The following GLDC variants were observed in gnomAD, a reference collection of about 807,000 sequenced individuals.
The protein encoded by GLDC is glycine decarboxylase, also known as glycine dehydrogenase (decarboxylating), mitochondrial.
Under a neutral mutation model 121.3 loss-of-function variants are expected in GLDC, and 104 were observed. The observed-to-expected ratio is 0.86, with a 90% confidence interval of 0.73 to 1.01. The LOEUF is 1.01. Ranked by LOEUF, GLDC falls within the 50% of genes least tolerant of loss-of-function variation. The pLI is 0.00. For synonymous variants in GLDC, 546 were observed against 480.6 expected (o/e 1.14, Z -1.78); for missense variants, 1,429 against 1,306.6 (o/e 1.09, Z -1.44).
chr9:6,583,181 A>G (rs531090852), intron 15 of GLDC, among the ~76,000 whole-genome samples: 57 of 152,124 alleles, frequency 3.7e-4, no homozygotes, highest in Non-Finnish European at 7.8e-4. Flanking sequence ...TTAAACATAA[A>G]ATTACCCTAT....
chr9:6,625,507 G>A (rs1819216718), intron 2 of GLDC, among the ~76,000 whole-genome samples: 1 of 152,170 alleles, frequency 6.6e-6, no homozygotes, highest in Non-Finnish European at 1.5e-5. Context: ...AAACCGCTAA[G>A]GTAATTCTTC....
intron 15 of GLDC, among the ~76,000 whole-genome samples, chr9:6,572,077 A>G (rs1055464858): frequency 3.9e-5 from 6 of 152,238 alleles, no homozygotes; most frequent in African/African-American, 1.4e-4. Flanking sequence ...ACATAAAACT[A>G]TGAAATTTCT....
intron 6 of GLDC, 114 bp downstream of exon 6, chr9:6,605,017 C>T (rs1818700918): frequency 9.0e-7 from 1 of 1,111,216 alleles, no homozygotes; most frequent in South Asian, 1.3e-5. Flanking sequence ...TTTACCATTC[C>T]ATGTGATAAT....
intron 15 of GLDC, chr9:6,567,443 T>A (rs1321440618): frequency 6.6e-6 from 1 of 152,186 alleles, no homozygotes; most frequent in East Asian, 1.9e-4. Context: ...ACAGTACCCA[T>A]CACACAGGGC....
intron 3 of GLDC, among the ~76,000 whole-genome samples, chr9:6,618,459 C>T (rs1020159301): frequency 1.3e-5 from 2 of 152,084 alleles, no homozygotes; most frequent in Admixed American, 6.6e-5. Context: ...AGGCATGCAC[C>T]ACCACGCCCA....
At chr9:6,541,213 G>C (rs1817251083) in intron 21 of GLDC, 1 of 152,170 alleles carries the variant, frequency 6.6e-6, no homozygotes, top group Non-Finnish European at 1.5e-5. Context: ...CCCAGAATGA[G>C]CTACTGACCA....
At position 6,565,362 on chromosome 9, in the gene GLDC, G is replaced by A; in HGVS notation, c.1918C>T (p.His640Tyr). The A allele has an allele frequency of 6.2e-7, 1 of 1,611,696 alleles. No homozygotes were observed. Among genetic ancestry groups the A allele is most frequent in the Non-Finnish European group, 8.5e-7 (1 of 1,177,750 alleles). Reference sequence around the variant, plus strand: ...CCTCCTGCCATACTCACCGTTCTGTGCCCCTCTCCTTTCTGGTTTAAGTAG... The same window carrying A: ...CCTCCTGCCATACTCACCGTTCTGTACCCCTCTCCTTTCTGGTTTAAGTAG... ...RAYLNQKGEG[H>Y]RTVCLIPKSA... Residue 640 changes from histidine to tyrosine, a missense_variant, in exon 16 of 25, where the codon CAC (histidine) becomes TAC (tyrosine). Coordinates refer to ENST00000321612, the MANE Select transcript of GLDC (RefSeq NM_000170.3).
intron 20 of GLDC, among the ~76,000 whole-genome samples, chr9:6,551,657 G>A (rs1817517795): frequency 6.6e-6 from 1 of 152,168 alleles, no homozygotes; most frequent in Non-Finnish European, 1.5e-5. Context: ...TCAAAGAAGG[G>A]TTCCTAGATT....
chr9:6,612,664 C>T (rs1395499709), intron 3 of GLDC, among the ~76,000 whole-genome samples: 5 of 152,218 alleles, frequency 3.3e-5, no homozygotes, highest in South Asian at 2.1e-4. Context: ...GAGTTCGAGA[C>T]GAGCCTGGCC....
intron 24 of GLDC, chr9:6,534,182 C>CA (rs1225665276): frequency 0.032 from 1,760 of 55,318 alleles, 21 homozygotes; most frequent in East Asian, 0.1. Context: ...GACTCCGTCT[C>CA]AAAAAAAAAA....
chr9:6,568,515 C>T (rs1269224101), intron 15 of GLDC, among the ~76,000 whole-genome samples: 1 of 152,126 alleles, frequency 6.6e-6, no homozygotes, highest in Non-Finnish European at 1.5e-5. Flanking sequence ...TCAGAAACAC[C>T]AAGTTTATGT....
Position 6,542,726 on chromosome 9 carries a change from A to G in GLDC, c.2570-2580T>C, listed in dbSNP as rs545107286. 2.0e-5 allele frequency among the ~76,000 whole-genome samples: 3 copies of G among 150,212 alleles called. No individual in the cohort carries two copies. In the South Asian group the frequency reaches 6.4e-4, roughly 32 times the overall value. ...CATAGTGAGAGCTTGTTTCTACAAA[A>G]AAACAAAAAATTAGCTAGGTGCAGT... On this transcript the variant is annotated intron_variant, in intron 21 of 24. Transcript: ENST00000321612.
intron 2 of GLDC, among the ~76,000 whole-genome samples, chr9:6,627,466 A>G (rs530984660): frequency 6.6e-6 from 1 of 152,076 alleles, no homozygotes; most frequent in Non-Finnish European, 1.5e-5. Flanking sequence ...GCACCTGTGG[A>G]CTCTGCCCCT....
rs773430894 is a variant in GLDC at position 6,536,156 on chromosome 9, G to T, written c.2746C>A (p.Leu916Met). 1 of 1,614,052 alleles carries T rather than the reference G, an allele frequency of 6.2e-7. No individual in the cohort carries two copies. The highest frequency in any genetic ancestry group is 8.5e-7 in the Non-Finnish European group (1 of 1,179,928). The change falls in exon 23 of 25, where the codon CTG becomes ATG. Residue 916 changes from leucine (L) to methionine (M), a missense_variant. Leu to Met is a conservative substitution (Grantham distance 15). Transcript: ENST00000321612. Reference protein sequence around the residue: ...EPTESEDKAELDRFCDAMISI... With the variant: ...EPTESEDKAEMDRFCDAMISI... ...ATCATGGCATCACAGAATCTGTCCA[G>T]CTCTGCCTTGTCCTCCGACTCAGTG...
In GLDC at chr9:6,592,273, A is replaced by G. The variant is rs201634244; in HGVS notation, c.1402-50T>C. ...AAACATCAACTCTAAACTCCACATC[A>G]CTGGAGGAATCCCAAGAGAGGTCAA... is the stretch of plus-strand genomic sequence containing the variant. On this transcript the variant is annotated intron_variant, in intron 10 of 24. Coordinates refer to ENST00000321612, the MANE Select transcript of GLDC (RefSeq NM_000170.3). The G allele has an allele frequency of 1.8e-5, 20 of 1,122,556 alleles. No homozygotes were observed. In the East Asian group the frequency reaches 4.4e-4, roughly 25 times the overall value. The allele number at this position is 1,122,556 out of a possible 1,614,324, so 69.5% of individuals were successfully genotyped here.
intron 15 of GLDC, among the ~76,000 whole-genome samples, chr9:6,578,645 T>A (rs1387715580): frequency 6.6e-6 from 1 of 152,072 alleles, no homozygotes; most frequent in Non-Finnish European, 1.5e-5. Context: ...ACTCAAGTGA[T>A]CCTCCCACCT....
intron 9 of GLDC, among the ~76,000 whole-genome samples, chr9:6,594,070 C>G (rs1818439645): frequency 6.6e-6 from 1 of 152,132 alleles, no homozygotes; most frequent in Non-Finnish European, 1.5e-5. Context: ...AGCAATCCTC[C>G]TGGCTCAGCC....
At chr9:6,606,956 G>A (rs928133094) in intron 4 of GLDC, among the ~76,000 whole-genome samples, 3 of 152,174 alleles carry the variant, frequency 2.0e-5, no homozygotes, top group Admixed American at 6.5e-5. Context: ...CCGGCTACTT[G>A]GGAGGCTGAG....
At position 6,556,995 on chromosome 9, in the gene GLDC, T is replaced by C. The variant is rs536286534; in HGVS notation, c.2053-693A>G. Among the ~76,000 whole-genome samples, 16 of 152,248 alleles carry C rather than the reference T, an allele frequency of 1.1e-4. No homozygotes were observed. In the South Asian group the frequency reaches 3.3e-3, roughly 32 times the overall value. On this transcript the variant is annotated intron_variant, in intron 17 of 24. Transcript: ENST00000321612. The stretch of plus-strand genomic sequence containing the variant: ...TAGGTGCGTCCATTCTCATAGTTAA[T>C]CTCTCTGCTCATCTTCTCATATCCA...
Sources: allele counts gnomAD v4.1 joint callset (sites outside exome capture counted in the v4.1 genomes callset), GRCh38; gene constraint gnomAD v4.1.1; transcripts MANE v1.5; gene names NCBI Gene and HGNC (gene_info 2026-07-23, HGNC 2026-07-21).